The following ECHDC2 variants were observed in gnomAD, a reference collection of about 807,000 sequenced individuals.
ECHDC2 encodes enoyl-CoA hydratase domain containing 2.
ECHDC2 carries 34 observed loss-of-function variants against 40.6 expected under a neutral mutation model. That is an observed-to-expected ratio of 0.84 (90% CI 0.64 to 1.11). ECHDC2 has a LOEUF of 1.11. Among genes scored for constraint, ECHDC2 ranks in the 50% most tolerant of loss-of-function variants. The pLI is 0.00. For missense variants in ECHDC2, 392 were observed against 400.7 expected, an observed-to-expected ratio of 0.98 and a Z score of 0.19; for synonymous variants, 162 against 166.6, an observed-to-expected ratio of 0.97 and a Z score of 0.21.
intron 7 of ECHDC2, chr1:52,899,523 A>G: frequency 4.8e-6 from 2 of 414,904 alleles, no homozygotes; most frequent in African/African-American, 2.0e-5. Context: ...GACTCATCTA[A>G]TGGTGCTACC....
chr1:52,906,677 G>T, intron 4 of ECHDC2, 66 bp from the exon 5 acceptor site: 1 of 1,372,394 alleles, frequency 7.3e-7, no homozygotes, highest in Non-Finnish European at 9.9e-7. Context: ...ACTCAAGGCT[G>T]GGGAGGGGCA....
At chr1:52,897,246 G>T in intron 9 of ECHDC2, 191 bp downstream of exon 9, 1 of 630,292 alleles carries the variant, frequency 1.6e-6, no homozygotes, top group Admixed American at 2.6e-5. Context: ...TTAGATGGTT[G>T]AGGGAAAAGT....
At chr1:52,899,092 G>T in intron 8 of ECHDC2, 82 bp downstream of exon 8, 1 of 1,420,360 alleles carries the variant, frequency 7.0e-7, no homozygotes, top group Non-Finnish European at 9.9e-7. Flanking sequence ...TTTCCCAGCT[G>T]TGCTGTCTGA....
intron 7 of ECHDC2, among the ~76,000 whole-genome samples, chr1:52,903,825 T>TTTC (rs1557485514): frequency 2.2e-4 from 32 of 142,402 alleles, no homozygotes; most frequent in East Asian, 7.8e-4. Flanking sequence ...TTCTTTCTTT[T>TTTC]TTTTTTTTTT....
At chr1:52,910,548 T>C (rs1649212809) in intron 3 of ECHDC2, among the ~76,000 whole-genome samples, 3 of 151,838 alleles carry the variant, frequency 2.0e-5, no homozygotes, top group Admixed American at 2.0e-4. Flanking sequence ...TTTGTATTTT[T>C]AGTAGAGACG....
chr1:52,908,025 A>G, intron 3 of ECHDC2, 71 bp from the exon 4 acceptor site: 1 of 1,461,082 alleles, frequency 6.8e-7, no homozygotes, highest in Non-Finnish European at 9.5e-7. Flanking sequence ...CGGTTAAAGG[A>G]TCCAGCAAAG....
intron 1 of ECHDC2, 88 bp from the exon 2 acceptor site, chr1:52,911,878 G>T: frequency 6.4e-7 from 1 of 1,558,734 alleles, no homozygotes; most frequent in East Asian, 2.4e-5. Flanking sequence ...GGAGGCCTGG[G>T]ATCTGGGGAG....
rs1646811420 is a variant in ECHDC2 at position 52,898,961 on chromosome 1, G to A, written c.753+213C>T. ...AACCTCAATCTCATCCTCTCTCCAA[G>A]GGAGAAAGATGAGGATAGAATGTAA... On this transcript the variant is annotated intron_variant, in intron 8 of 9. Coordinates refer to ENST00000371522, the MANE Select transcript of ECHDC2 (RefSeq NM_001198961.2). The A allele has an allele frequency of 4.7e-6, 3 of 635,632 alleles. No individual in the cohort carries two copies. In the Admixed American group the frequency reaches 7.2e-5, roughly 15 times the overall value. 39.4% of individuals were successfully genotyped at this position (635,632 alleles called of 1,614,324 possible). A position where few individuals can be genotyped will look rare whatever the true frequency, so the allele number is the denominator to read the frequency against.
At chr1:52,902,948 C>T (rs954786468) in intron 7 of ECHDC2, among the ~76,000 whole-genome samples, 1 of 152,166 alleles carries the variant, frequency 6.6e-6, no homozygotes, top group Non-Finnish European at 1.5e-5. Context: ...AGGTACCTAG[C>T]ATTATAGGCT....
In ECHDC2 at chr1:52,912,033, A is replaced by C; in HGVS notation, c.122-243T>G. On this transcript the variant is annotated intron_variant, in intron 1 of 9. Coordinates refer to ENST00000371522, the MANE Select transcript of ECHDC2 (RefSeq NM_001198961.2). ...GAAGGACTTGTAAACTGTGAAGCAA[A>C]ATGGGGAGAGGAACAACAGTGACTA... The C allele has an allele frequency of 2.8e-6, 4 of 1,408,338 alleles. No homozygotes were observed. The South Asian group carries it at 6.2e-5, about 22-fold the overall frequency. The allele number at this position is 1,408,338 out of a possible 1,614,324, so 87.2% of individuals were successfully genotyped here.
chr1:52,897,365 T>G, intron 9 of ECHDC2, 72 bp downstream of exon 9: 1 of 1,476,822 alleles, frequency 6.8e-7, no homozygotes, highest in Non-Finnish European at 9.5e-7. Flanking sequence ...AAATTGGTCA[T>G]GTACCATACA....
intron 7 of ECHDC2, chr1:52,901,320 G>C (rs1029844271): frequency 1.3e-5 from 2 of 151,122 alleles, no homozygotes; most frequent in Admixed American, 1.3e-4. Flanking sequence ...TGGAAGGACT[G>C]CTCAGGCCCA....
At chr1:52,910,361 T>TTG in intron 3 of ECHDC2, among the ~76,000 whole-genome samples, 1 of 96,652 alleles carries the variant, frequency 1.0e-5, no homozygotes, top group East Asian at 4.5e-4. Flanking sequence ...CGTTTTTTTT[T>TTG]TTTTTTTTTT....
intron 1 of ECHDC2, among the ~76,000 whole-genome samples, chr1:52,920,999 C>A (rs143430683): frequency 2.0e-5 from 3 of 152,390 alleles, no homozygotes; most frequent in South Asian, 2.1e-4. Flanking sequence ...CTTTGCCCCC[C>A]ACCCCTCGTC....
intron 1 of ECHDC2, chr1:52,920,693 G>T (rs942002980): frequency 1.9e-5 from 12 of 615,908 alleles, no homozygotes; most frequent in African/African-American, 1.9e-4. Flanking sequence ...ACCTATGGCT[G>T]GAATTAAGTG....
chr1:52,896,457 A>T lies in ECHDC2; in HGVS notation c.*63T>A, dbSNP rs965620800. The T allele has an allele frequency of 8.9e-6, 12 of 1,348,862 alleles. No homozygotes were observed. In the African/African-American group the frequency reaches 1.7e-4, roughly 19 times the overall value. The allele number at this position is 1,348,862 out of a possible 1,614,324, so 83.6% of individuals were successfully genotyped here. A position where few individuals can be genotyped will look rare whatever the true frequency, so the allele number is the denominator to read the frequency against. On this transcript the variant is annotated 3_prime_UTR_variant, in exon 10 of 10. Transcript: ENST00000371522. ...AATGATGAAGGCAATCTGGCCACAA[A>T]TCTTCCTTCTGGATCCTGCTCTTCA...
chr1:52,916,706 C>G (rs529491300), intron 1 of ECHDC2, among the ~76,000 whole-genome samples: 1 of 152,292 alleles, frequency 6.6e-6, no homozygotes, highest in African/African-American at 2.4e-5. Flanking sequence ...TACCACATGC[C>G]AGGTCCTGGA....
intron 1 of ECHDC2, among the ~76,000 whole-genome samples, chr1:52,918,438 G>T (rs1184836037): frequency 1.3e-5 from 2 of 151,892 alleles, no homozygotes; most frequent in Non-Finnish European, 2.9e-5. Context: ...ATTCCCGATT[G>T]TTATCATAGG....
At chr1:52,917,187 A>G (rs1297917808) in intron 1 of ECHDC2, among the ~76,000 whole-genome samples, 2 of 150,758 alleles carry the variant, frequency 1.3e-5, no homozygotes, top group Non-Finnish European at 3.0e-5. Context: ...ACGCCACTGC[A>G]CTCCGGCCTG....
Sources: allele counts gnomAD v4.1 joint callset (sites outside exome capture counted in the v4.1 genomes callset), GRCh38; gene constraint gnomAD v4.1.1; transcripts MANE v1.5; gene names NCBI Gene and HGNC (gene_info 2026-07-23, HGNC 2026-07-21).